Variants in TPD52 observed in about 807,000 individuals in gnomAD.
TPD52 encodes the protein prostate and colon associated protein.
TPD52 carries 17 observed loss-of-function variants against 31.3 expected under a neutral mutation model. The observed-to-expected ratio is 0.54, with a 90% CI of 0.37 to 0.82. The LOEUF is 0.82. TPD52 is among the 40% of genes least tolerant of loss of function. The pLI, the probability that TPD52 is intolerant of heterozygous loss-of-function variation, is 0.00. For missense variants in TPD52, 212 were observed against 240.1 expected, an observed-to-expected ratio of 0.88 and a Z score of 0.77; for synonymous variants, 83 against 89.6, an observed-to-expected ratio of 0.93 and a Z score of 0.42.
chr8:80,063,402 T>C (rs1364743956), intron 2 of TPD52, among the ~76,000 whole-genome samples: 2 of 151,374 alleles, frequency 1.3e-5, no homozygotes, highest in Admixed American at 1.3e-4. Context: ...AGGAGGGGAG[T>C]AGTCAGGATT....
intron 1 of TPD52, among the ~76,000 whole-genome samples, chr8:80,150,851 C>T (rs976904194): frequency 1.3e-5 from 2 of 152,140 alleles, no homozygotes; most frequent in African/African-American, 4.8e-5. Context: ...TCAGATGAGA[C>T]TTTAGACCGT....
At chr8:80,087,100 G>A (rs1315298063) in intron 1 of TPD52, among the ~76,000 whole-genome samples, 4 of 152,036 alleles carry the variant, frequency 2.6e-5, no homozygotes, top group Admixed American at 6.5e-5. Flanking sequence ...GGGGCTAAAC[G>A]TTAACAGTGA....
chr8:80,038,348 C>T, intron 7 of TPD52, 113 bp from the exon 8 acceptor site: 1 of 1,083,490 alleles, frequency 9.2e-7, no homozygotes, highest in Non-Finnish European at 1.3e-6. Flanking sequence ...AACCTTATAG[C>T]TCAGTGATTA....
chr8:80,044,239 T>A, intron 5 of TPD52, 31 bp from the exon 6 acceptor site: 4 of 1,541,204 alleles, frequency 2.6e-6, no homozygotes, highest in Non-Finnish European at 3.5e-6. Context: ...GAGATAGAAA[T>A]AAGGTTAGTA....
intron 1 of TPD52, among the ~76,000 whole-genome samples, chr8:80,130,195 T>C (rs942302997): frequency 6.6e-6 from 1 of 152,062 alleles, no homozygotes; most frequent in Admixed American, 6.5e-5. Context: ...GGAATAGACA[T>C]GGGGTGGAAA....
intron 1 of TPD52, among the ~76,000 whole-genome samples, chr8:80,166,391 C>A (rs1273865079): frequency 6.6e-6 from 1 of 151,668 alleles, no homozygotes; most frequent in African/African-American, 2.4e-5. Context: ...TGCCACCACA[C>A]CCGGCTAATT....
chr8:80,071,273 A>C (rs1416849427), intron 1 of TPD52, among the ~76,000 whole-genome samples: 1 of 152,170 alleles, frequency 6.6e-6, no homozygotes, highest in East Asian at 1.9e-4. Flanking sequence ...TCAGCCATTG[A>C]CTAGTTGGTT....
At chr8:80,093,744 A>G (rs1816470533) in intron 1 of TPD52, among the ~76,000 whole-genome samples, 1 of 152,242 alleles carries the variant, frequency 6.6e-6, no homozygotes, top group African/African-American at 2.4e-5. Context: ...ATTTTTCATT[A>G]AATTTTATTA....
At chr8:80,102,964 C>T (rs980887697) in intron 1 of TPD52, among the ~76,000 whole-genome samples, 10 of 152,174 alleles carry the variant, frequency 6.6e-5, no homozygotes, top group Admixed American at 2.0e-4. Context: ...AACCCATGGA[C>T]GTTCCTGGAG....
rs569514721 is a variant in TPD52, at chr8:80,085,885, C to T, written c.20-21292G>A. Among the ~76,000 whole-genome samples, 9 of 152,154 alleles carry T rather than the reference C, an allele frequency of 5.9e-5. No homozygotes were observed. The East Asian group carries it at 1.7e-3, about 29-fold the overall frequency. ...TGGAGATCACTTCTTGGCCTTTTGG[C>T]TGAGATCAAGTGTAGTAACAGTATA... On this transcript the variant is annotated intron_variant, in intron 1 of 7. Transcript: ENST00000518937.
intron 1 of TPD52, among the ~76,000 whole-genome samples, chr8:80,120,380 T>A (rs2131025314): frequency 6.6e-6 from 1 of 151,918 alleles, no homozygotes; most frequent in East Asian, 1.9e-4. Flanking sequence ...TCCCAGCTAC[T>A]CAGGAGGGTG....
intron 1 of TPD52, among the ~76,000 whole-genome samples, chr8:80,151,727 C>T (rs1437092547): frequency 6.6e-6 from 1 of 151,902 alleles, no homozygotes; most frequent in African/African-American, 2.4e-5. Flanking sequence ...TTCTTTGTTC[C>T]CTTATAAAAG....
intron 1 of TPD52, among the ~76,000 whole-genome samples, chr8:80,152,265 C>A (rs1381799059): frequency 6.6e-6 from 1 of 152,122 alleles, no homozygotes; most frequent in Non-Finnish European, 1.5e-5. Flanking sequence ...CCAGCCATAT[C>A]CTCAGCAGGA....
At chr8:80,130,101 C>T (rs374649569) in intron 1 of TPD52, among the ~76,000 whole-genome samples, 16 of 152,098 alleles carry the variant, frequency 1.1e-4, no homozygotes, top group African/African-American at 2.2e-4. Context: ...GAGGTCACAC[C>T]GAATTGGCTC....
intron 1 of TPD52, among the ~76,000 whole-genome samples, chr8:80,138,406 A>G (rs1269160585): frequency 6.6e-6 from 1 of 152,196 alleles, no homozygotes; most frequent in Non-Finnish European, 1.5e-5. Context: ...AATGGGGTTC[A>G]TATCATTTAG....
At chr8:80,051,692 G>A in intron 3 of TPD52, 64 bp from the exon 4 acceptor site, 1 of 1,348,838 alleles carries the variant, frequency 7.4e-7, no homozygotes, top group Non-Finnish European at 1.0e-6. Flanking sequence ...AATATCAATT[G>A]TTTCAAGTGC....
Position 80,170,936 on chromosome 8 carries a change from G to T in TPD52, c.19+489C>A, listed in dbSNP as rs867651829. Reference sequence around the variant, plus strand: ...TATCTGCCTCCCAAACCCCCCATGGGTCATACGCCACCAAAAATCCTAACC... The same window carrying T: ...TATCTGCCTCCCAAACCCCCCATGGTTCATACGCCACCAAAAATCCTAACC... On this transcript the variant is annotated intron_variant, in intron 1 of 7. Transcript: ENST00000518937. 1.8e-4 allele frequency: 61 copies of T among 347,790 alleles called. 1 individual carries two copies. Among genetic ancestry groups the T allele is most frequent in the South Asian group, 1.2e-3 (57 of 45,640 alleles). 21.5% of individuals were successfully genotyped at this position (347,790 alleles called of 1,614,324 possible). A position where few individuals can be genotyped will look rare whatever the true frequency, so the allele number is the denominator to read the frequency against.
chr8:80,133,411 AC>A (rs1369993351), intron 1 of TPD52, among the ~76,000 whole-genome samples: 1 of 151,678 alleles, frequency 6.6e-6, no homozygotes, highest in African/African-American at 2.4e-5. Flanking sequence ...GTGGATGCCA[AC>A]CCCCCTCAAA....
intron 1 of TPD52, 105 bp from the exon 2 acceptor site, chr8:80,064,698 C>T (rs1479361475): frequency 1.3e-6 from 1 of 788,626 alleles, no homozygotes; most frequent in Non-Finnish European, 2.2e-6. Flanking sequence ...AGAGTAGATC[C>T]ACACATCTCA....
Sources: gnomAD v4.1 joint callset for allele counts (sites outside exome capture counted in the v4.1 genomes callset) on GRCh38, gnomAD v4.1.1 for gene constraint, MANE v1.5 for transcripts, NCBI Gene and HGNC (gene_info 2026-07-23, HGNC 2026-07-21) for gene names.